GBP1: variants seen among roughly 807,000 people sequenced by gnomAD.
GBP1 encodes the protein guanylate-binding protein 1.
A neutral mutation model predicts 69.5 loss-of-function variants in GBP1; 64 were observed. The observed-to-expected ratio is 0.92, with a 90% confidence interval of 0.75 to 1.13. The LOEUF (loss-of-function observed/expected upper bound fraction) is 1.13. Ranked by LOEUF, GBP1 falls within the 50% of genes most tolerant of loss-of-function variation. The probability of loss-of-function intolerance (pLI) is 0.00; values close to 1 mark genes in which losing one functional copy is unlikely to be tolerated. For synonymous variants in GBP1, 250 were observed against 261.2 expected, an observed-to-expected ratio of 0.96 and a Z score of 0.41; for missense variants, 630 against 704.1, an observed-to-expected ratio of 0.89 and a Z score of 1.19.
intron 10 of GBP1, 73 bp from the exon 11 acceptor site, chr1:89,053,541 A>T: frequency 6.5e-7 from 1 of 1,549,734 alleles, no homozygotes; most frequent in Non-Finnish European, 8.7e-7. Context: ...TGGTTTCCAC[A>T]TTAAATGATT....
intron 10 of GBP1, among the ~76,000 whole-genome samples, 186 bp from the exon 11 acceptor site, chr1:89,053,654 A>G (rs192084824): frequency 2.2e-4 from 34 of 152,344 alleles, no homozygotes; most frequent in Admixed American, 1.2e-3. Flanking sequence ...TGTATATGAC[A>G]TAACACCGAA....
chr1:89,058,812 C>T, intron 5 of GBP1, 29 bp downstream of exon 5: 1 of 1,605,552 alleles, frequency 6.2e-7, no homozygotes, highest in Non-Finnish European at 8.5e-7. Flanking sequence ...TTTTCTCATC[C>T]TCATTTATCA....
chr1:89,057,847 T>C, intron 6 of GBP1, 145 bp downstream of exon 6: 1 of 950,970 alleles, frequency 1.1e-6, no homozygotes, highest in East Asian at 2.5e-5. Flanking sequence ...TGACTAACAA[T>C]ATATGTTAGA....
In GBP1 at chr1:89,053,254, G is replaced by T; in HGVS notation, c.*101C>A. 8 of 756,154 alleles carry T rather than the reference G, an allele frequency of 1.1e-5. No individual in the cohort carries two copies. The highest frequency in any genetic ancestry group is 2.9e-5 in the East Asian group (1 of 34,340). 46.8% of individuals were successfully genotyped at this position (756,154 alleles called of 1,614,324 possible). A position where few individuals can be genotyped will look rare whatever the true frequency, so the allele number is the denominator to read the frequency against. ...TGCCTTTATAAACTTTTGGTGTTAT[G>T]ATGCAAGATCTAATTATTATCAAAT... On this transcript the variant is annotated 3_prime_UTR_variant, in exon 11 of 11. Transcript: ENST00000370473.
At chr1:89,059,244 C>G (rs575898559) in intron 4 of GBP1, 73 bp downstream of exon 4, 2 of 1,613,692 alleles carry the variant, frequency 1.2e-6, no homozygotes, top group African/African-American at 2.7e-5. Context: ...TCAGGATTCA[C>G]AGTCAGGCAG....
intron 6 of GBP1, among the ~76,000 whole-genome samples, chr1:89,057,364 G>T (rs1680074247): frequency 6.6e-6 from 1 of 152,170 alleles, no homozygotes; most frequent in Non-Finnish European, 1.5e-5. Flanking sequence ...ACATTTGAGA[G>T]TTCTTGTACT....
chr1:89,060,532 A>C (rs1489902711), intron 2 of GBP1, among the ~76,000 whole-genome samples: 3 of 152,252 alleles, frequency 2.0e-5, no homozygotes, highest in Non-Finnish European at 2.9e-5. Flanking sequence ...AATAATCAAC[A>C]AAGTAGAAAT....
At chr1:89,061,987 A>T (rs1302286421) in intron 2 of GBP1, among the ~76,000 whole-genome samples, 1 of 73,008 alleles carries the variant, frequency 1.4e-5, no homozygotes, top group Non-Finnish European at 3.1e-5. Context: ...TGGCCACTAT[A>T]AAAAAAAAAA....
intron 10 of GBP1, among the ~76,000 whole-genome samples, chr1:89,054,136 G>T (rs1679984738): frequency 6.6e-6 from 1 of 151,176 alleles, no homozygotes; most frequent in Non-Finnish European, 1.5e-5. Context: ...GTCTCGCTCT[G>T]TTGCCCAGGC....
At chr1:89,064,501 G>A (rs1434589282) in intron 1 of GBP1, among the ~76,000 whole-genome samples, 1 of 152,116 alleles carries the variant, frequency 6.6e-6, no homozygotes, top group East Asian at 1.9e-4. Context: ...TGAAGCAGTG[G>A]GGTTGAATTT....
At chr1:89,056,516 C>CGGAA (rs1680049877) in intron 7 of GBP1, among the ~76,000 whole-genome samples, 1 of 152,166 alleles carries the variant, frequency 6.6e-6, no homozygotes, top group South Asian at 2.1e-4. Flanking sequence ...TGTGGCTGAA[C>CGGAA]GGAAGCCTGC....
chr1:89,053,609 T>A (rs1042209461), intron 10 of GBP1, 141 bp from the exon 11 acceptor site: 4 of 1,331,580 alleles, frequency 3.0e-6, no homozygotes, highest in Non-Finnish European at 3.0e-6. Context: ...TGGCCTATCA[T>A]TGACCAAAGC....
chr1:89,064,574 G>A (rs1378303908), intron 1 of GBP1, among the ~76,000 whole-genome samples: 2 of 152,112 alleles, frequency 1.3e-5, no homozygotes, highest in Non-Finnish European at 2.9e-5. Flanking sequence ...TATTTCTAAA[G>A]AAAGTAATCC....
At chr1:89,057,582 C>T (rs571492059) in intron 6 of GBP1, among the ~76,000 whole-genome samples, 26 of 152,302 alleles carry the variant, frequency 1.7e-4, no homozygotes, top group Non-Finnish European at 2.2e-4. Flanking sequence ...TGTTCAAAAG[C>T]GCTTTCTGTA....
Position 89,056,218 on chromosome 1 carries a change from T to G in GBP1, c.1166A>C (p.Glu389Ala). ...LFQKELAAQL[E>A]KKRDDFCKQN... is the part of the protein sequence containing the mutation. ...TTTACAAAAGTCATCCCGCTTTTTTTCTAGCTGGGCCTTTAATGTAAAAAT... is the reference window on the plus strand; with the variant it reads ...TTTACAAAAGTCATCCCGCTTTTTTGCTAGCTGGGCCTTTAATGTAAAAAT... The change falls in exon 8 of 11, where the codon GAA (glutamate) becomes GCA (alanine). Residue 389 changes from glutamate (E) to alanine (A), a missense_variant. Glu to Ala is a moderately radical substitution (Grantham distance 107). This residue lies in a region of GBP1 where 367 missense variants were observed against 369.5 expected (regional missense o/e 0.99). Coordinates refer to ENST00000370473, the MANE Select transcript of GBP1 (RefSeq NM_002053.3). 1.2e-6 allele frequency: 2 copies of G among 1,613,970 alleles called. No homozygotes were observed.
In GBP1 at chr1:89,055,203, G is replaced by C. The variant is rs1680013285; in HGVS notation, c.1381C>G (p.Leu461Val). ...TCCTTGGATTTCAAGTATGTCTGCA[G>C]AATCTCTTCAGCCTTAGGACCCAGA... ...PRKGIQAEEI[L>V]QTYLKSKESM... Residue 461 changes from leucine (L) to valine (V), a missense_variant, in exon 9 of 11, where the codon CTG becomes GTG. Leu to Val is a conservative substitution (Grantham distance 32). Around this residue, in one of 5 missense-constraint regions of GBP1, gnomAD observed 367 missense variants for 369.5 expected, o/e 0.99. Transcript: ENST00000370473. 6.2e-7 allele frequency: 1 copy of C among 1,613,244 alleles called. No homozygotes were observed. Among genetic ancestry groups the C allele is most frequent in the East Asian group, 2.2e-5 (1 of 44,900 alleles).
At chr1:89,063,362 G>C (rs903941344) in intron 1 of GBP1, 109 bp from the exon 2 acceptor site, 2 of 874,516 alleles carry the variant, frequency 2.3e-6, no homozygotes, top group Non-Finnish European at 3.6e-6. Context: ...GACAGCAAAA[G>C]AGATGAGGCA....
rs1445259120 is a variant in GBP1 at position 89,058,857 on chromosome 1, G to T, written c.615C>A (p.Ser205=). The change falls in exon 5 of 11, where the codon TCC becomes TCA. Residue 205 remains serine (S), a synonymous_variant. Transcript: ENST00000370473. ...PLTPDEYLTY[S]LKLKKGTSQK... ...CTCTGTTACCTTTCTTCAGCTTCAGGGAGTATGTCAGGTACTCATCTGGTG... is the reference window on the plus strand; with the variant it reads ...CTCTGTTACCTTTCTTCAGCTTCAGTGAGTATGTCAGGTACTCATCTGGTG... The T allele has an allele frequency of 6.2e-7, 1 of 1,613,972 alleles. No individual in the cohort carries two copies. Among genetic ancestry groups the T allele is most frequent in the Admixed American group, 1.7e-5 (1 of 60,008 alleles).
chr1:89,060,379 A>T (rs778543176), intron 2 of GBP1, 55 bp from the exon 3 acceptor site: 15 of 1,447,082 alleles, frequency 1.0e-5, no homozygotes, highest in Non-Finnish European at 1.4e-5. Context: ...CAGTTCTGGC[A>T]ATTGAAGGAA....
Sources: gnomAD v4.1 joint callset for allele counts (sites outside exome capture counted in the v4.1 genomes callset) on GRCh38, gnomAD v4.1.1 for gene constraint, gnomAD v4.1.1 regional missense constraint, MANE v1.5 for transcripts, NCBI Gene and HGNC (gene_info 2026-07-23, HGNC 2026-07-21) for gene names.